The following PSD3 variants were observed in gnomAD, a reference collection of about 807,000 sequenced individuals.
The protein encoded by PSD3 is pleckstrin and Sec7 domain containing 3, also known as PH and SEC7 domain-containing protein 3.
PSD3 carries 49 observed loss-of-function variants against 105.5 expected under a neutral mutation model. The observed-to-expected ratio is 0.46, with a 90% CI of 0.37 to 0.59. PSD3 has a LOEUF of 0.59. Ranked by LOEUF, PSD3 falls within the 20% of genes least tolerant of loss-of-function variation. The pLI, the probability that PSD3 is intolerant of heterozygous loss-of-function variation, is 0.00. For missense variants in PSD3, 1,561 were observed against 1,263.8 expected, an observed-to-expected ratio of 1.24 and a Z score of -3.57; for synonymous variants, 557 against 457.8, an observed-to-expected ratio of 1.22 and a Z score of -2.77.
At chr8:18,756,026 A>G (rs1806018596) in intron 9 of PSD3, among the ~76,000 whole-genome samples, 1 of 152,134 alleles carries the variant, frequency 6.6e-6, no homozygotes, top group South Asian at 2.1e-4. Context: ...AATATTCCAT[A>G]TTTTAAGCCA....
At position 18,773,523 on chromosome 8, in the gene PSD3, G is replaced by C. The variant is rs554414384; in HGVS notation, c.2083-7985C>G. Reference sequence around the variant, plus strand: ...CCATCTCTGGGATAAATGTTATTGAGATTTTGATAGTAATCGTGTTGAATC... The same window carrying C: ...CCATCTCTGGGATAAATGTTATTGACATTTTGATAGTAATCGTGTTGAATC... On this transcript the variant is annotated intron_variant, in intron 8 of 15. Coordinates refer to ENST00000327040, the MANE Select transcript of PSD3 (RefSeq NM_015310.4). Among the ~76,000 whole-genome samples, 58 of 152,244 alleles carry C rather than the reference G, an allele frequency of 3.8e-4. 1 individual carries two copies. Among genetic ancestry groups the C allele is most frequent in the African/African-American group, 1.4e-3 (58 of 41,546 alleles).
intron 1 of PSD3, among the ~76,000 whole-genome samples, chr8:19,051,464 C>T (rs1292104595): frequency 2.0e-5 from 3 of 152,214 alleles, no homozygotes; most frequent in Non-Finnish European, 4.4e-5. Context: ...GTCTCCATCA[C>T]CCCACATAGT....
chr8:18,613,961 A>C (rs1239289968), intron 11 of PSD3, among the ~76,000 whole-genome samples: 4 of 152,178 alleles, frequency 2.6e-5, no homozygotes, highest in Non-Finnish European at 5.9e-5. Flanking sequence ...AACTTGTGTA[A>C]TCCTTTAGTT....
At chr8:19,067,430 A>T (rs1829111653) in intron 1 of PSD3, among the ~76,000 whole-genome samples, 1 of 152,200 alleles carries the variant, frequency 6.6e-6, no homozygotes, top group African/African-American at 2.4e-5. Flanking sequence ...ATTCTCCAGG[A>T]TGCCTCCCAC....
At chr8:18,637,783 C>T (rs572145910) in intron 10 of PSD3, among the ~76,000 whole-genome samples, 3 of 152,220 alleles carry the variant, frequency 2.0e-5, no homozygotes, top group African/African-American at 4.8e-5. Flanking sequence ...AAATACAGTA[C>T]TGCCAGTCTC....
intron 8 of PSD3, among the ~76,000 whole-genome samples, chr8:18,793,879 A>C (rs1476055573): frequency 1.3e-5 from 2 of 152,236 alleles, no homozygotes; most frequent in Non-Finnish European, 2.9e-5. Context: ...TAACTCTATG[A>C]GGTTCATCAA....
At chr8:18,563,829 T>G (rs1801558225) in intron 14 of PSD3, among the ~76,000 whole-genome samples, 1 of 152,196 alleles carries the variant, frequency 6.6e-6, no homozygotes, top group African/African-American at 2.4e-5. Context: ...TAGAATCATA[T>G]TTTAGTCAGA....
chr8:18,757,219 G>A (rs1585858311), intron 9 of PSD3, among the ~76,000 whole-genome samples: 1 of 150,704 alleles, frequency 6.6e-6, no homozygotes, highest in African/African-American at 2.4e-5. Flanking sequence ...TTGGGAGGCC[G>A]AGGTGGGTGG....
At chr8:18,573,561 T>C (rs1802281037) in intron 13 of PSD3, among the ~76,000 whole-genome samples, 1 of 116,770 alleles carries the variant, frequency 8.6e-6, no homozygotes, top group African/African-American at 3.1e-5. Context: ...ATCCAAATTG[T>C]CCAGTAAATG....
intron 1 of PSD3, among the ~76,000 whole-genome samples, chr8:18,943,191 C>T (rs1329361986): frequency 1.3e-5 from 2 of 152,142 alleles, no homozygotes; most frequent in East Asian, 1.9e-4. Context: ...TCACTCAACC[C>T]CACACCACTT....
At chr8:19,049,690 CAAAAAAAAAAAAA>C (rs10584051) in intron 1 of PSD3, among the ~76,000 whole-genome samples, 1,090 of 64,376 alleles carry the variant, frequency 0.017, 20 homozygotes, top group African/African-American at 0.053. Context: ...GACCCTGTCT[CAAAAAAAAAAAAA>C]AAAAAAAAAA....
chr8:18,570,114 A>T (rs563855456), intron 14 of PSD3, among the ~76,000 whole-genome samples: 1,453 of 17,282 alleles, frequency 0.084, 717 homozygotes, highest in South Asian at 0.14. Flanking sequence ...TGGTACTGGT[A>T]CCAAAACAGA....
chr8:19,003,590 A>G (rs919579723), intron 1 of PSD3, among the ~76,000 whole-genome samples: 4 of 151,968 alleles, frequency 2.6e-5, no homozygotes, highest in African/African-American at 9.7e-5. Flanking sequence ...AGGCCTCCAG[A>G]GATTCAGCAA....
intron 1 of PSD3, among the ~76,000 whole-genome samples, chr8:18,970,915 G>A (rs13267499): frequency 0.43 from 64,428 of 149,094 alleles, 14,278 homozygotes; most frequent in Middle Eastern, 0.65. Flanking sequence ...GGAGGCGGAG[G>A]TTACAGTGAG....
At chr8:18,715,652 G>A (rs1217764307) in intron 9 of PSD3, among the ~76,000 whole-genome samples, 2 of 152,174 alleles carry the variant, frequency 1.3e-5, no homozygotes, top group Non-Finnish European at 2.9e-5. Context: ...AGGCATCAAT[G>A]CTCTACCTCA....
At chr8:18,737,168 T>C (rs1247161182) in intron 9 of PSD3, among the ~76,000 whole-genome samples, 1 of 152,230 alleles carries the variant, frequency 6.6e-6, no homozygotes, top group African/African-American at 2.4e-5. Flanking sequence ...TTTGCTGGTT[T>C]GTTTTCTTTA....
At chr8:18,843,052 G>GT (rs1814779816) in intron 4 of PSD3, among the ~76,000 whole-genome samples, 1 of 152,134 alleles carries the variant, frequency 6.6e-6, no homozygotes, top group Non-Finnish European at 1.5e-5. Flanking sequence ...TGCTATAGCT[G>GT]TTAATAAAAA....
At chr8:18,640,427 A>G (rs1807560827) in intron 10 of PSD3, among the ~76,000 whole-genome samples, 1 of 152,050 alleles carries the variant, frequency 6.6e-6, no homozygotes, top group Admixed American at 6.6e-5. Context: ...CATGGGAGGG[A>G]CCAGTGGGAG....
chr8:18,607,682 A>AC (rs1804945465), intron 11 of PSD3, among the ~76,000 whole-genome samples: 1 of 108,018 alleles, frequency 9.3e-6, no homozygotes, highest in Non-Finnish European at 2.0e-5. Context: ...CTCCACTGCT[A>AC]CAAAAAAAAA....
Sources: allele counts gnomAD v4.1 joint callset (sites outside exome capture counted in the v4.1 genomes callset), GRCh38; gene constraint gnomAD v4.1.1; transcripts MANE v1.5; gene names NCBI Gene and HGNC (gene_info 2026-07-23, HGNC 2026-07-21).